Variants in IGDCC3 observed in about 807,000 individuals in gnomAD.
IGDCC3 encodes the protein putative neuronal cell adhesion molecule.
Under a neutral mutation model 72.0 loss-of-function variants are expected in IGDCC3, and 47 were observed. The ratio of observed to expected loss-of-function variants is 0.65; its 90% CI spans 0.52 to 0.83. IGDCC3 has a LOEUF of 0.83. Ranked by LOEUF, IGDCC3 falls within the 40% of genes least tolerant of loss-of-function variation. The pLI is 0.00. For synonymous variants in IGDCC3, 477 were observed against 472.8 expected (o/e 1.01, Z -0.11); for missense variants, 1,038 against 1,091.3 (o/e 0.95, Z 0.69).
At chr15:65,347,247 G>T (rs941760609) in intron 2 of IGDCC3, among the ~76,000 whole-genome samples, 1 of 152,186 alleles carries the variant, frequency 6.6e-6, no homozygotes, top group Non-Finnish European at 1.5e-5. Flanking sequence ...AATTTCCAGA[G>T]CCATATATTA....
Position 65,328,538 on chromosome 15 carries a change from G to A in IGDCC3, c.*371C>T. 5.7e-6 allele frequency: 1 copy of A among 174,950 alleles called. No individual in the cohort carries two copies. The highest frequency in any genetic ancestry group is 1.2e-5 in the Non-Finnish European group (1 of 83,306). 10.8% of individuals were successfully genotyped at this position (174,950 alleles called of 1,614,324 possible). On this transcript the variant is annotated 3_prime_UTR_variant, in exon 14 of 14. Coordinates refer to ENST00000327987, the MANE Select transcript of IGDCC3 (RefSeq NM_004884.4). ...GTGACAGTGTCAGGGCCCAGCTACAGCAGGGTCATCTTTTGGAGTCTAATT... is the reference window on the plus strand; with the variant it reads ...GTGACAGTGTCAGGGCCCAGCTACAACAGGGTCATCTTTTGGAGTCTAATT...
intron 1 of IGDCC3, among the ~76,000 whole-genome samples, chr15:65,376,589 C>T (rs1379385491): frequency 6.6e-6 from 1 of 152,126 alleles, no homozygotes; most frequent in African/African-American, 2.4e-5. Context: ...TAGGCATTCC[C>T]CGCCCAGCGC....
At chr15:65,356,079 C>G in intron 2 of IGDCC3, 1 of 250,146 alleles carries the variant, frequency 4.0e-6, no homozygotes, top group Non-Finnish European at 8.2e-6. Context: ...GGCGCTCTAA[C>G]TGAGCGCGCA....
intron 2 of IGDCC3, among the ~76,000 whole-genome samples, chr15:65,357,012 G>A (rs1289588810): frequency 6.6e-6 from 1 of 151,906 alleles, no homozygotes; most frequent in Non-Finnish European, 1.5e-5. Flanking sequence ...ACTATGCCCA[G>A]CTAATTTTTT....
At chr15:65,349,661 C>G (rs762533830) in intron 2 of IGDCC3, among the ~76,000 whole-genome samples, 3 of 152,206 alleles carry the variant, frequency 2.0e-5, no homozygotes, top group Non-Finnish European at 4.4e-5. Context: ...AAACAAAAAA[C>G]TGGATGAAGT....
At chr15:65,350,962 G>A (rs1356994100) in intron 2 of IGDCC3, among the ~76,000 whole-genome samples, 2 of 152,182 alleles carry the variant, frequency 1.3e-5, no homozygotes, top group African/African-American at 4.8e-5. Flanking sequence ...ATGTGTTTTG[G>A]TGAAAGATTA....
chr15:65,337,140 C>G (rs1323814154), intron 2 of IGDCC3, among the ~76,000 whole-genome samples: 1 of 152,352 alleles, frequency 6.6e-6, no homozygotes, highest in South Asian at 2.1e-4. Flanking sequence ...CCAGCCTGAT[C>G]TGGCCTCCAG....
intron 2 of IGDCC3, among the ~76,000 whole-genome samples, chr15:65,338,411 G>A (rs532480381): frequency 6.6e-6 from 1 of 152,324 alleles, no homozygotes; most frequent in African/African-American, 2.4e-5. Context: ...CTGCTGGGAT[G>A]TCCCTTAGTT....
intron 2 of IGDCC3, among the ~76,000 whole-genome samples, chr15:65,359,438 C>A (rs1204252211): frequency 1.3e-5 from 2 of 152,124 alleles, no homozygotes; most frequent in Admixed American, 6.5e-5. Flanking sequence ...GGCTGGTGGT[C>A]TGGAATCCTA....
chr15:65,338,117 G>A (rs565852163), intron 2 of IGDCC3, among the ~76,000 whole-genome samples: 1 of 152,186 alleles, frequency 6.6e-6, no homozygotes, highest in Non-Finnish European at 1.5e-5. Context: ...TGGACATGGT[G>A]CTAGAGCTGG....
chr15:65,374,129 C>T (rs1263123905), intron 2 of IGDCC3: 1 of 152,168 alleles, frequency 6.6e-6, no homozygotes, highest in East Asian at 1.9e-4. Context: ...GAACAAGACT[C>T]TGTCTCAAAA....
chr15:65,333,017 G>A (rs2090991889), intron 6 of IGDCC3, among the ~76,000 whole-genome samples: 1 of 22,646 alleles, frequency 4.4e-5, no homozygotes, highest in African/African-American at 5.8e-5. Flanking sequence ...GGGTATTGAC[G>A]GACCCGGAGG....
At chr15:65,351,488 T>C (rs1427763703) in intron 2 of IGDCC3, among the ~76,000 whole-genome samples, 3,195 of 149,902 alleles carry the variant, frequency 0.021, 115 homozygotes, top group African/African-American at 0.075. Flanking sequence ...GAGCCGAGAT[T>C]GCACCACTGC....
chr15:65,359,501 C>T (rs1441995548), intron 2 of IGDCC3, among the ~76,000 whole-genome samples: 1 of 152,116 alleles, frequency 6.6e-6, no homozygotes, highest in African/African-American at 2.4e-5. Context: ...TGACTGAGTA[C>T]CACTAGCCAC....
intron 2 of IGDCC3, chr15:65,373,897 G>A (rs1266677512): frequency 1.3e-5 from 2 of 152,246 alleles, no homozygotes; most frequent in Non-Finnish European, 2.9e-5. Context: ...CACTTTGGGA[G>A]GCTGAGGCGG....
At chr15:65,360,209 A>AT (rs1196900413) in intron 2 of IGDCC3, among the ~76,000 whole-genome samples, 1 of 152,232 alleles carries the variant, frequency 6.6e-6, no homozygotes, top group Non-Finnish European at 1.5e-5. Flanking sequence ...GATAAAAGCA[A>AT]TATCACTTTA....
chr15:65,330,817 G>C, intron 9 of IGDCC3, 76 bp from the exon 10 acceptor site: 1 of 1,317,170 alleles, frequency 7.6e-7, no homozygotes. Context: ...CTGTGACCCC[G>C]ACCCCCAAAA....
At position 65,329,264 on chromosome 15, in the gene IGDCC3, A is replaced by T; in HGVS notation, c.2206-116T>A. The stretch of plus-strand genomic sequence containing the variant: ...CTCCCTGCCTGACTCAGGGACACAA[A>T]GAGAAGACCTGCAGTTTGACTAAGG... On this transcript the variant is annotated intron_variant, in intron 13 of 13. Transcript: ENST00000327987. This position sits in a 1 kb window ranked among gnomAD's most constrained non-coding sequence, Gnocchi z 4.1. 1 of 1,486,468 alleles carries T rather than the reference A, an allele frequency of 6.7e-7. No individual in the cohort carries two copies. Among genetic ancestry groups the T allele is most frequent in the Non-Finnish European group, 9.0e-7 (1 of 1,108,846 alleles). The allele number at this position is 1,486,468 out of a possible 1,614,324, so 92.1% of individuals were successfully genotyped here.
chr15:65,331,855 T>G (rs1019777218), intron 7 of IGDCC3, 86 bp downstream of exon 7: 3 of 1,475,478 alleles, frequency 2.0e-6, no homozygotes, highest in Non-Finnish European at 2.8e-6. Context: ...TGGCAGGAGG[T>G]GTACAGCCTA....
Sources: gnomAD v4.1 joint callset for allele counts (sites outside exome capture counted in the v4.1 genomes callset) on GRCh38, gnomAD v4.1.1 for gene constraint, Gnocchi (gnomAD v3.1) non-coding constraint, MANE v1.5 for transcripts, NCBI Gene and HGNC (gene_info 2026-07-23, HGNC 2026-07-21) for gene names.